Variants in ARFGEF1 observed in about 807,000 individuals in gnomAD.
ARFGEF1 encodes ARF guanine nucleotide exchange factor 1.
In ARFGEF1, 42 loss-of-function variants were observed where a neutral mutation model predicts 231.0. The observed-to-expected ratio is 0.18, with a 90% confidence interval of 0.14 to 0.24. ARFGEF1 has a LOEUF of 0.24. Ranked by LOEUF, ARFGEF1 falls within the 10% of genes least tolerant of loss-of-function variation. ARFGEF1 has a pLI of 1.00. For synonymous variants in ARFGEF1, 710 were observed against 732.3 expected (o/e 0.97, Z 0.49); for missense variants, 1,345 against 2,192.0 (o/e 0.61, Z 7.72).
intron 5 of ARFGEF1, among the ~76,000 whole-genome samples, chr8:67,178,200 G>A (rs1832138881): frequency 6.6e-6 from 1 of 152,168 alleles, no homozygotes; most frequent in Non-Finnish European, 1.5e-5. Flanking sequence ...CAGTGTGAGT[G>A]TTTGCTGTCA....
chr8:67,251,495 A>C (rs1481077998), intron 18 of ARFGEF1, 45 bp from the exon 19 acceptor site: 1 of 1,493,138 alleles, frequency 6.7e-7, no homozygotes, highest in Non-Finnish European at 9.0e-7. Flanking sequence ...AAAACATTTA[A>C]GAATTCTATT....
At chr8:67,253,864 G>A (rs538100046) in intron 17 of ARFGEF1, among the ~76,000 whole-genome samples, 1 of 152,320 alleles carries the variant, frequency 6.6e-6, no homozygotes, top group South Asian at 2.1e-4. Context: ...TGTGCAACCA[G>A]AAAGGAGGGA....
chr8:67,195,380 A>G (rs1837724111), downstream of ARFGEF1: 1 of 1,611,218 alleles, frequency 6.2e-7, no homozygotes, highest in African/African-American at 1.3e-5. Flanking sequence ...TGCCTCCTGT[A>G]GATGATGAGA....
At chr8:67,225,934 C>A (rs1403932992) in intron 28 of ARFGEF1, 89 bp downstream of exon 28, 6 of 1,277,110 alleles carry the variant, frequency 4.7e-6, no homozygotes, top group Non-Finnish European at 6.3e-6. Context: ...AAAATAAATG[C>A]TTCATATACC....
chr8:67,279,544 CTCT>C (rs1563884813), intron 7 of ARFGEF1, among the ~76,000 whole-genome samples: 1 of 152,152 alleles, frequency 6.6e-6, no homozygotes, highest in Admixed American at 6.5e-5. Flanking sequence ...ATTTTCTTCC[CTCT>C]TTTTATTAAA....
At chr8:67,285,653 C>T (rs148734169) in intron 7 of ARFGEF1, among the ~76,000 whole-genome samples, 2 of 152,280 alleles carry the variant, frequency 1.3e-5, no homozygotes, top group African/African-American at 4.8e-5. Context: ...ACCATCTTAA[C>T]CAAATGATCC....
chr8:67,179,765 G>A (rs1234760309), intron 5 of ARFGEF1: 10 of 773,348 alleles, frequency 1.3e-5, no homozygotes, highest in African/African-American at 1.7e-5. Flanking sequence ...CTGCTTTTAG[G>A]GAGAACAGTG....
At position 67,343,288 on chromosome 8, in the gene ARFGEF1, G is replaced by A; in HGVS notation, c.-1C>T. 1.2e-6 allele frequency: 2 copies of A among 1,612,864 alleles called. No individual in the cohort carries two copies. The highest frequency in any genetic ancestry group is 1.3e-5 in the African/African-American group (1 of 75,000). ...TCTTCGTCTTCTTCCCCTCATACAT[G>A]GACGCAGAGAAGGAGGCGGCGGCTC... On this transcript the variant is annotated 5_prime_UTR_variant, in exon 1 of 39. Coordinates refer to ENST00000262215, the MANE Select transcript of ARFGEF1 (RefSeq NM_006421.5).
Position 67,282,705 on chromosome 8 carries a change from G to A in ARFGEF1, c.1028-5248C>T, listed in dbSNP as rs538139818. 1.9e-3 allele frequency among the ~76,000 whole-genome samples: 296 copies of A among 151,816 alleles called. 1 individual carries two copies. Among genetic ancestry groups the A allele is most frequent in the African/African-American group, 6.3e-3 (260 of 41,454 alleles). Reference sequence around the variant, plus strand: ...TACCAAAAAAATACAAAAATTAGCCGGGCATGGTGGTGTGCACCTGTAATC... The same window carrying A: ...TACCAAAAAAATACAAAAATTAGCCAGGCATGGTGGTGTGCACCTGTAATC... On this transcript the variant is annotated intron_variant, in intron 7 of 38. Transcript: ENST00000262215.
chr8:67,257,601 AAATT>A (rs1265473015), intron 17 of ARFGEF1, 127 bp downstream of exon 17: 1 of 727,662 alleles, frequency 1.4e-6, no homozygotes, highest in Non-Finnish European at 2.3e-6. Flanking sequence ...TCACCATCCC[AAATT>A]AAATACCCAA....
chr8:67,300,436 T>C (rs1234246998), intron 3 of ARFGEF1, among the ~76,000 whole-genome samples: 1 of 152,126 alleles, frequency 6.6e-6, no homozygotes, highest in Non-Finnish European at 1.5e-5. Flanking sequence ...TTCAGAAATT[T>C]TTCTGACATA....
chr8:67,278,304 T>C (rs1805394883), intron 7 of ARFGEF1, among the ~76,000 whole-genome samples: 1 of 152,218 alleles, frequency 6.6e-6, no homozygotes, highest in Non-Finnish European at 1.5e-5. Flanking sequence ...TTATTTCATA[T>C]TTCTTTGCCT....
chr8:67,320,581 T>C (rs1208389894), intron 1 of ARFGEF1, among the ~76,000 whole-genome samples: 1 of 152,234 alleles, frequency 6.6e-6, no homozygotes, highest in East Asian at 1.9e-4. Context: ...GCTCTAACCA[T>C]ACTGCCAAAA....
intron 1 of ARFGEF1, among the ~76,000 whole-genome samples, chr8:67,318,230 C>G (rs558002769): frequency 7.0e-6 from 1 of 142,860 alleles, no homozygotes; most frequent in Non-Finnish European, 1.5e-5. Context: ...GAGCCAGACT[C>G]CGTCTCAAGA....
downstream of ARFGEF1, chr8:67,193,501 C>T: frequency 6.2e-7 from 1 of 1,613,390 alleles, no homozygotes; most frequent in Non-Finnish European, 8.5e-7. Flanking sequence ...GATGGTCTCT[C>T]TCTAAAATCT....
At chr8:67,257,682 G>A in intron 17 of ARFGEF1, 50 bp downstream of exon 17, 1 of 1,332,120 alleles carries the variant, frequency 7.5e-7, no homozygotes, top group East Asian at 2.3e-5. Context: ...TCAGAATAAT[G>A]TACTTATTTT....
At chr8:67,178,440 A>C (rs1009367355) in intron 5 of ARFGEF1, among the ~76,000 whole-genome samples, 3 of 152,230 alleles carry the variant, frequency 2.0e-5, no homozygotes, top group Non-Finnish European at 2.9e-5. Context: ...GTATAGGAGT[A>C]AACAAAAGGG....
At chr8:67,192,065 T>TA (rs1836423444) in intron 5 of ARFGEF1, among the ~76,000 whole-genome samples, 1 of 142,574 alleles carries the variant, frequency 7.0e-6, no homozygotes, top group African/African-American at 2.7e-5. Flanking sequence ...TTTGCTGATT[T>TA]GTTTTTTTTT....
At chr8:67,201,648 CT>C (rs1265780433) in intron 36 of ARFGEF1, 43 bp from the exon 37 acceptor site, 21 of 1,611,134 alleles carry the variant, frequency 1.3e-5, no homozygotes, top group Non-Finnish European at 1.8e-5. Flanking sequence ...GGGAAGGCAT[CT>C]TATGTAAAGG....
Sources: gnomAD v4.1 joint callset for allele counts (sites outside exome capture counted in the v4.1 genomes callset) on GRCh38, gnomAD v4.1.1 for gene constraint, MANE v1.5 for transcripts, NCBI Gene and HGNC (gene_info 2026-07-23, HGNC 2026-07-21) for gene names.